The following MYOCD variants were observed in gnomAD, a reference collection of about 807,000 sequenced individuals.
The protein encoded by MYOCD is myocardin.
Under a neutral mutation model 96.1 loss-of-function variants are expected in MYOCD, and 32 were observed. The ratio of observed to expected loss-of-function variants is 0.33; its 90% CI spans 0.25 to 0.45. MYOCD has a LOEUF of 0.45. Among genes scored for constraint, MYOCD ranks in the 20% least tolerant of loss-of-function variants. MYOCD has a pLI of 1.00. For missense variants in MYOCD, 1,133 were observed against 1,200.6 expected, an observed-to-expected ratio of 0.94 and a Z score of 0.83; for synonymous variants, 469 against 469.0, an observed-to-expected ratio of 1.00 and a Z score of 0.00.
At chr17:12,758,694 G>T (rs1408048035) in intron 12 of MYOCD, among the ~76,000 whole-genome samples, 1 of 152,148 alleles carries the variant, frequency 6.6e-6, no homozygotes, top group Non-Finnish European at 1.5e-5. Context: ...ATGCAAGGAG[G>T]TTCACTGTAT....
intron 9 of MYOCD, among the ~76,000 whole-genome samples, chr17:12,746,469 A>G (rs1286587985): frequency 6.6e-6 from 1 of 152,204 alleles, no homozygotes; most frequent in Non-Finnish European, 1.5e-5. Context: ...TGTTTATTTT[A>G]CCATAGCAAA....
chr17:12,692,700 C>T (rs1182432735), intron 1 of MYOCD, among the ~76,000 whole-genome samples: 5 of 152,120 alleles, frequency 3.3e-5, no homozygotes, highest in Non-Finnish European at 7.4e-5. Context: ...ATATTTCCCT[C>T]CTCTTCAACC....
chr17:12,695,224 C>A (rs1277431972), intron 1 of MYOCD, among the ~76,000 whole-genome samples: 2 of 152,138 alleles, frequency 1.3e-5, no homozygotes, highest in Admixed American at 1.3e-4. Flanking sequence ...TACAGGCAGG[C>A]TTGGTGTCTG....
chr17:12,719,174 CAAAAAA>C (rs71144920), intron 4 of MYOCD, among the ~76,000 whole-genome samples: 68 of 49,142 alleles, frequency 1.4e-3, no homozygotes, highest in African/African-American at 5.9e-3. Flanking sequence ...GACTCTGTCT[CAAAAAA>C]AAAAAAAAAA....
In MYOCD at chr17:12,692,818, C is replaced by G. The variant is rs576496304; in HGVS notation, c.56-12310C>G. Among the ~76,000 whole-genome samples the G allele has an allele frequency of 1.4e-4, 21 of 152,272 alleles. No individual in the cohort carries two copies. The East Asian group carries it at 4.1e-3, about 29-fold the overall frequency. ...GTGAACTCTGCCAAGCTTCCTAACC[C>G]TCAATTTCCAAGAGCCCTGGCCCAC... On this transcript the variant is annotated intron_variant, in intron 1 of 13. Transcript: ENST00000425538.
intron 3 of MYOCD, 66 bp from the exon 4 acceptor site, chr17:12,717,280 C>T: frequency 1.8e-6 from 2 of 1,127,602 alleles, no homozygotes; most frequent in Non-Finnish European, 2.6e-6. Context: ...GTTATTTTCT[C>T]CTGTGAGATA....
intron 3 of MYOCD, 136 bp from the exon 4 acceptor site, chr17:12,717,210 T>TC (rs2031673480): frequency 4.7e-6 from 3 of 644,340 alleles, no homozygotes; most frequent in Non-Finnish European, 7.9e-6. Context: ...TTGGAAATGT[T>TC]CCTTCATCAA....
At position 12,676,951 on chromosome 17, in the gene MYOCD, G is replaced by A. The variant is rs986747198; in HGVS notation, c.55+10708G>A. On this transcript the variant is annotated intron_variant, in intron 1 of 13. Coordinates refer to ENST00000425538, the MANE Select transcript of MYOCD (RefSeq NM_001146312.3). ...TTCATTGGAAATTTTTGAGGTTTTAGTGGAAAAGCATATAAAAAGTGCTTG... is the reference window on the plus strand; with the variant it reads ...TTCATTGGAAATTTTTGAGGTTTTAATGGAAAAGCATATAAAAAGTGCTTG... Among the ~76,000 whole-genome samples the A allele has an allele frequency of 5.3e-5, 8 of 152,180 alleles. No homozygotes were observed. In the East Asian group the frequency reaches 1.5e-3, roughly 29 times the overall value.
At chr17:12,751,835 C>T (rs1200275811) in intron 9 of MYOCD, among the ~76,000 whole-genome samples, 2 of 152,056 alleles carry the variant, frequency 1.3e-5, no homozygotes, top group Non-Finnish European at 2.9e-5. Context: ...TATATGGAGC[C>T]GTGGTTCTCA....
intron 1 of MYOCD, among the ~76,000 whole-genome samples, chr17:12,678,909 G>A (rs1469242961): frequency 6.6e-6 from 1 of 151,964 alleles, no homozygotes; most frequent in African/African-American, 2.4e-5. Context: ...GTGTTAGCCG[G>A]GATGGTCTCA....
rs1417828486 is a variant in MYOCD, at chr17:12,708,397, AC to A, written c.121+3205del. Among the ~76,000 whole-genome samples, 3 of 151,632 alleles carry A rather than the reference AC, an allele frequency of 2.0e-5. No homozygotes were observed. The East Asian group carries it at 5.8e-4, about 29-fold the overall frequency. On this transcript the variant is annotated intron_variant, in intron 2 of 13. Transcript: ENST00000425538. ...TTAATTGTCCTTATCAAATAGAAAT[AC>A]TTTTTTTTTTTTTGAGACAGAGTCT...
In MYOCD at chr17:12,710,148, C is replaced by CCACTA. The variant is rs796389367; in HGVS notation, c.121+4958_121+4962dup. Among the ~76,000 whole-genome samples the CCACTA allele has an allele frequency of 7.9e-5, 12 of 152,282 alleles. No individual in the cohort carries two copies. The South Asian group carries it at 2.5e-3, about 32-fold the overall frequency. ...TTTAATGATTTTGGACAACCTCACA[C>CCACTA]CACTACATGGGAATGGCTATCCAGG... On this transcript the variant is annotated intron_variant, in intron 2 of 13. Coordinates refer to ENST00000425538, the MANE Select transcript of MYOCD (RefSeq NM_001146312.3).
intron 1 of MYOCD, among the ~76,000 whole-genome samples, chr17:12,699,892 C>CTTT (rs36068735): frequency 7.6e-6 from 1 of 131,798 alleles, no homozygotes; most frequent in Non-Finnish European, 1.6e-5. Context: ...ATATATATTT[C>CTTT]TTTTTTTTTT....
At chr17:12,732,394 A>G (rs2032201018) in intron 5 of MYOCD, among the ~76,000 whole-genome samples, 5 of 151,854 alleles carry the variant, frequency 3.3e-5, no homozygotes, top group Admixed American at 2.6e-4. Flanking sequence ...TGTCCTGTCC[A>G]CCGCTGACAG....
intron 1 of MYOCD, among the ~76,000 whole-genome samples, chr17:12,694,455 G>A (rs775169207): frequency 6.6e-6 from 1 of 152,180 alleles, no homozygotes; most frequent in Non-Finnish European, 1.5e-5. Context: ...AGCCGAACCT[G>A]GAGAAGAAGC....
intron 1 of MYOCD, among the ~76,000 whole-genome samples, chr17:12,690,040 T>C (rs1395712278): frequency 2.0e-5 from 3 of 152,042 alleles, no homozygotes; most frequent in African/African-American, 4.8e-5. Context: ...GGATTGCATA[T>C]AGAGATGTTA....
At chr17:12,720,084 T>C (rs2031785941) in intron 4 of MYOCD, among the ~76,000 whole-genome samples, 1 of 152,032 alleles carries the variant, frequency 6.6e-6, no homozygotes. Flanking sequence ...CTTTTCCTTG[T>C]CACCACGTTT....
intron 4 of MYOCD, chr17:12,720,192 G>A (rs2031789630): frequency 6.6e-6 from 1 of 151,828 alleles, no homozygotes; most frequent in South Asian, 2.1e-4. Context: ...AGGGTGGGAG[G>A]GCCAGTCTTT....
chr17:12,684,675 T>C (rs970947107), intron 1 of MYOCD, among the ~76,000 whole-genome samples: 1 of 151,746 alleles, frequency 6.6e-6, no homozygotes, highest in Non-Finnish European at 1.5e-5. Flanking sequence ...TGAAACCCCG[T>C]GTCTACTAAA....
Sources: allele counts gnomAD v4.1 joint callset (sites outside exome capture counted in the v4.1 genomes callset), GRCh38; gene constraint gnomAD v4.1.1; transcripts MANE v1.5; gene names NCBI Gene and HGNC (gene_info 2026-07-23, HGNC 2026-07-21).